FAAH2: variants seen among roughly 807,000 people sequenced by gnomAD.
FAAH2 encodes fatty acid amide hydrolase 2.
Under a neutral mutation model 36.9 loss-of-function variants are expected in FAAH2, and 60 were observed. The ratio of observed to expected loss-of-function variants is 1.63; its 90% CI spans 1.32 to 2.02. The LOEUF (loss-of-function observed/expected upper bound fraction) is 2.02, where lower values mean the gene tolerates loss of function less well. FAAH2 is among the 30% of genes most tolerant of loss of function. The pLI is 0.00. For missense variants in FAAH2, 689 were observed against 397.5 expected, an observed-to-expected ratio of 1.73 and a Z score of -6.23; for synonymous variants, 214 against 143.8, an observed-to-expected ratio of 1.49 and a Z score of -3.49.
Position 57,447,040 on chromosome X carries a change from G to A in FAAH2, c.1228+1G>A, listed in dbSNP as rs762059968. On this transcript the variant is annotated splice_donor_variant, in intron 9 of 10. Coordinates refer to ENST00000374900, the MANE Select transcript of FAAH2 (RefSeq NM_174912.4). LOFTEE classifies it high-confidence loss of function. Reference sequence around the variant, plus strand: ...TCAGTGTACACCATCCCTTCCATTGGTATGTAAATCATATTCTACCTAGAC... The same window carrying A: ...TCAGTGTACACCATCCCTTCCATTGATATGTAAATCATATTCTACCTAGAC... The A allele has an allele frequency of 6.9e-6, 8 of 1,159,587 alleles. No individual in the cohort carries two copies. The South Asian group carries it at 7.6e-5, about 11-fold the overall frequency.
chrX:57,190,500 C>T, the FAAH2 span, among the ~76,000 whole-genome samples: 8 of 109,651 alleles, frequency 7.3e-5, no homozygotes, highest in South Asian at 4.0e-4. Context: ...CAAACAGCCG[C>T]CCAGTTTTGT....
At chrX:57,143,358 G>A in the FAAH2 span, among the ~76,000 whole-genome samples, 5 of 110,747 alleles carry the variant, frequency 4.5e-5, no homozygotes, top group Admixed American at 9.7e-5. Flanking sequence ...TAACTCGGAC[G>A]ATGGTGGAGA....
chrX:57,427,478 C>A (rs143925153), intron 7 of FAAH2, among the ~76,000 whole-genome samples: 6 of 111,520 alleles, frequency 5.4e-5, no homozygotes, highest in Non-Finnish European at 1.1e-4. Context: ...ACCAATATCC[C>A]AGATAAACAT....
At chrX:57,236,317 T>A in the FAAH2 span, among the ~76,000 whole-genome samples, 1 of 112,358 alleles carries the variant, frequency 8.9e-6, no homozygotes, top group Non-Finnish European at 1.9e-5. Context: ...AGTGCAGATA[T>A]GTTTTCAACA....
chrX:57,262,575 C>T, the FAAH2 span, among the ~76,000 whole-genome samples: 5 of 111,390 alleles, frequency 4.5e-5, no homozygotes, highest in Middle Eastern at 4.8e-3. Context: ...ATTCAAGTCT[C>T]TTTCAGAAAA....
At chrX:57,152,188 T>C in the FAAH2 span, among the ~76,000 whole-genome samples, 1 of 111,810 alleles carries the variant, frequency 8.9e-6, no homozygotes, top group Non-Finnish European at 1.9e-5. Flanking sequence ...TACTGGGGGG[T>C]ACCTCCCAGT....
At chrX:57,319,183 A>G (rs2052937382) in intron 3 of FAAH2, among the ~76,000 whole-genome samples, 2 of 111,730 alleles carry the variant, frequency 1.8e-5, no homozygotes, top group Non-Finnish European at 3.8e-5. Flanking sequence ...CAATCAGGCA[A>G]GAGAAAGAAA....
chrX:57,193,825 CATTG>C, the FAAH2 span, among the ~76,000 whole-genome samples: 2 of 111,985 alleles, frequency 1.8e-5, no homozygotes, highest in Non-Finnish European at 3.8e-5. Context: ...TGATGAATCA[CATTG>C]ATTGAGTATG....
intron 5 of FAAH2, among the ~76,000 whole-genome samples, chrX:57,363,761 T>A (rs1361293658): frequency 2.7e-5 from 3 of 111,125 alleles, no homozygotes; most frequent in Middle Eastern, 4.6e-3. Flanking sequence ...TTTTAGAGGA[T>A]TTTTAACATT....
chrX:57,249,015 T>G, the FAAH2 span, among the ~76,000 whole-genome samples: 3 of 110,458 alleles, frequency 2.7e-5, no homozygotes, highest in Non-Finnish European at 5.7e-5. Context: ...TAGAGAAGGT[T>G]CAATGATGGC....
the FAAH2 span, among the ~76,000 whole-genome samples, chrX:57,173,807 T>C: frequency 8.9e-6 from 1 of 112,041 alleles, no homozygotes; most frequent in Non-Finnish European, 1.9e-5. Flanking sequence ...AATGTTTTTT[T>C]CTTATTTATT....
the FAAH2 span, among the ~76,000 whole-genome samples, chrX:57,176,509 G>GT: frequency 0.45 from 49,031 of 109,577 alleles, 10,920 homozygotes; most frequent in African/African-American, 0.86. Flanking sequence ...TTTTATGTTG[G>GT]TTTTAACTTT....
chrX:57,223,514 T>G, the FAAH2 span, among the ~76,000 whole-genome samples: 42 of 111,399 alleles, frequency 3.8e-4, no homozygotes, highest in African/African-American at 1.3e-3. Context: ...TCACTTGCCC[T>G]CACCTTTCCA....
chrX:57,362,800 G>A (rs1156852257), intron 5 of FAAH2, among the ~76,000 whole-genome samples: 2 of 111,899 alleles, frequency 1.8e-5, no homozygotes, highest in Non-Finnish European at 1.9e-5. Flanking sequence ...CACATGACTA[G>A]CCAGTTATCT....
the FAAH2 span, among the ~76,000 whole-genome samples, chrX:57,256,302 C>T: frequency 1.9e-3 from 208 of 111,719 alleles, no homozygotes; most frequent in Middle Eastern, 9.3e-3. Context: ...ACATTCCATG[C>T]TCATGGATAG....
At chrX:57,394,031 T>A (rs1182287066) in intron 7 of FAAH2, 3 of 756,530 alleles carry the variant, frequency 4.0e-6, no homozygotes, top group Non-Finnish European at 6.2e-6. Flanking sequence ...GGTAGCCTTG[T>A]CTGTCTGGGT....
chrX:57,425,515 C>A (rs758050901), intron 7 of FAAH2, among the ~76,000 whole-genome samples: 2 of 111,843 alleles, frequency 1.8e-5, no homozygotes, highest in Non-Finnish European at 3.8e-5. Context: ...AAACAGCAGA[C>A]TTCTCAACAG....
At chrX:57,380,811 A>G (rs1179277213) in intron 6 of FAAH2, 101 bp from the exon 7 acceptor site, 7 of 496,535 alleles carry the variant, frequency 1.4e-5, no homozygotes, top group Non-Finnish European at 2.3e-5. Flanking sequence ...GTGCTCAGGG[A>G]AAAAAATACT....
At chrX:57,339,678 C>T (rs1410482677) in intron 4 of FAAH2, among the ~76,000 whole-genome samples, 7 of 112,151 alleles carry the variant, frequency 6.2e-5, no homozygotes, top group Non-Finnish European at 1.3e-4. Flanking sequence ...ATTAGAGAAA[C>T]GCACATCAAA....
Sources: gnomAD v4.1 joint callset for allele counts (sites outside exome capture counted in the v4.1 genomes callset) on GRCh38, gnomAD v4.1.1 for gene constraint, MANE v1.5 for transcripts, NCBI Gene and HGNC (gene_info 2026-07-23, HGNC 2026-07-21) for gene names.